Variants in CAMK2D observed in about 807,000 individuals in gnomAD.
CAMK2D encodes calcium/calmodulin-dependent protein kinase type II subunit delta.
Under a neutral mutation model 84.0 loss-of-function variants are expected in CAMK2D, and 37 were observed. The ratio of observed to expected loss-of-function variants is 0.44; its 90% CI spans 0.34 to 0.58. CAMK2D has a LOEUF of 0.58. Among genes scored for constraint, CAMK2D ranks in the 20% least tolerant of loss-of-function variants. CAMK2D has a pLI of 0.02. For missense variants in CAMK2D, 448 were observed against 652.5 expected, an observed-to-expected ratio of 0.69 and a Z score of 3.41; for synonymous variants, 202 against 212.5, an observed-to-expected ratio of 0.95 and a Z score of 0.43.
chr4:113,753,184 C>T (rs910193053), intron 2 of CAMK2D, among the ~76,000 whole-genome samples: 1 of 151,938 alleles, frequency 6.6e-6, no homozygotes, highest in Non-Finnish European at 1.5e-5. Context: ...TTCTAGGAGG[C>T]TGCAGTGTGG....
chr4:113,693,397 A>T (rs2099394022), intron 2 of CAMK2D, among the ~76,000 whole-genome samples: 1 of 152,178 alleles, frequency 6.6e-6, no homozygotes, highest in South Asian at 2.1e-4. Context: ...AGCATTTAAA[A>T]TATTGCGTTT....
chr4:113,760,470 A>G (rs1189097398), intron 1 of CAMK2D, among the ~76,000 whole-genome samples: 1 of 152,200 alleles, frequency 6.6e-6, no homozygotes, highest in East Asian at 1.9e-4. Flanking sequence ...GGACAGAACA[A>G]CTACTGGATG....
chr4:113,650,850 A>T (rs2099169786), intron 3 of CAMK2D, among the ~76,000 whole-genome samples: 1 of 152,252 alleles, frequency 6.6e-6, no homozygotes, highest in Non-Finnish European at 1.5e-5. Flanking sequence ...TTAGTAAGTA[A>T]TATCATTTTC....
At chr4:113,488,426 C>G (rs1017062528) in intron 16 of CAMK2D, among the ~76,000 whole-genome samples, 30 of 152,058 alleles carry the variant, frequency 2.0e-4, no homozygotes, top group Admixed American at 3.3e-4. Context: ...CAGACCTTAG[C>G]GATGACCTTG....
At chr4:113,550,917 A>T (rs1224510366) in intron 5 of CAMK2D, among the ~76,000 whole-genome samples, 1 of 152,238 alleles carries the variant, frequency 6.6e-6, no homozygotes, top group African/African-American at 2.4e-5. Context: ...ACAGTGCATT[A>T]AACCAAGAAG....
intron 2 of CAMK2D, among the ~76,000 whole-genome samples, chr4:113,725,951 G>T (rs2099544513): frequency 6.6e-6 from 1 of 152,172 alleles, no homozygotes; most frequent in African/African-American, 2.4e-5. Flanking sequence ...TGGTGCTTCT[G>T]CAAGATGTTT....
intron 2 of CAMK2D, among the ~76,000 whole-genome samples, chr4:113,752,130 G>A (rs182892010): frequency 6.6e-6 from 1 of 151,954 alleles, no homozygotes; most frequent in Non-Finnish European, 1.5e-5. Flanking sequence ...AAAGGATAGG[G>A]ATCAACAAAA....
chr4:113,560,761 C>G (rs1006752511), intron 4 of CAMK2D, among the ~76,000 whole-genome samples: 5 of 152,174 alleles, frequency 3.3e-5, no homozygotes, highest in Non-Finnish European at 7.3e-5. Flanking sequence ...TGCATCTTGT[C>G]ACTTATTGCA....
chr4:113,618,574 T>A (rs1368708565), intron 3 of CAMK2D, among the ~76,000 whole-genome samples: 2 of 152,206 alleles, frequency 1.3e-5, no homozygotes. Context: ...TCCTAATACA[T>A]GTTAAGAAAT....
intron 2 of CAMK2D, among the ~76,000 whole-genome samples, chr4:113,696,840 G>A (rs2099404315): frequency 1.3e-5 from 2 of 152,086 alleles, no homozygotes; most frequent in African/African-American, 4.8e-5. Context: ...GGAAGTAGAA[G>A]AGTCAGAATT....
intron 2 of CAMK2D, among the ~76,000 whole-genome samples, chr4:113,709,899 T>C (rs2099486595): frequency 6.7e-6 from 1 of 150,032 alleles, no homozygotes; most frequent in South Asian, 2.1e-4. Flanking sequence ...ATTTTTAATT[T>C]AATGCCAGGC....
intron 9 of CAMK2D, among the ~76,000 whole-genome samples, chr4:113,515,869 T>TAATA (rs1160468581): frequency 5.3e-5 from 8 of 152,226 alleles, no homozygotes; most frequent in Non-Finnish European, 7.3e-5. Flanking sequence ...TTCCCATTAC[T>TAATA]AATACTTTTT....
intron 4 of CAMK2D, among the ~76,000 whole-genome samples, chr4:113,571,095 A>G (rs913051760): frequency 1.3e-4 from 19 of 151,982 alleles, no homozygotes; most frequent in Non-Finnish European, 2.2e-4. Context: ...CTACAATAAA[A>G]TATCACTTCA....
chr4:113,682,308 TTA>T (rs1263566499), intron 2 of CAMK2D, among the ~76,000 whole-genome samples: 5 of 152,088 alleles, frequency 3.3e-5, no homozygotes, highest in Non-Finnish European at 7.4e-5. Context: ...AAATGTATTT[TTA>T]TATGAGAAAA....
intron 7 of CAMK2D, among the ~76,000 whole-genome samples, chr4:113,533,687 T>C (rs1330363309): frequency 2.0e-5 from 3 of 151,646 alleles, no homozygotes; most frequent in South Asian, 4.2e-4. Flanking sequence ...AGCAACAAAA[T>C]GCTAGAAATG....
At chr4:113,687,847 T>G (rs747317941) in intron 2 of CAMK2D, among the ~76,000 whole-genome samples, 1 of 152,200 alleles carries the variant, frequency 6.6e-6, no homozygotes, top group Non-Finnish European at 1.5e-5. Context: ...ACATCCCTTC[T>G]TGGTTCAATC....
At chr4:113,555,772 T>A (rs909387069) in intron 4 of CAMK2D, among the ~76,000 whole-genome samples, 1 of 152,080 alleles carries the variant, frequency 6.6e-6, no homozygotes, top group Non-Finnish European at 1.5e-5. Flanking sequence ...ACTACCTGGA[T>A]ATCTGTGCCC....
intron 2 of CAMK2D, among the ~76,000 whole-genome samples, chr4:113,725,524 T>G (rs1028384038): frequency 3.3e-5 from 5 of 152,126 alleles, no homozygotes; most frequent in African/African-American, 1.2e-4. Context: ...AAGCCACTAA[T>G]GTAAGGTAAA....
At chr4:113,646,661 A>G (rs1478645939) in intron 3 of CAMK2D, among the ~76,000 whole-genome samples, 1 of 152,192 alleles carries the variant, frequency 6.6e-6, no homozygotes, top group East Asian at 1.9e-4. Flanking sequence ...GAGGGGTTGG[A>G]GCAGAGCAAC....
Sources: allele counts gnomAD v4.1 joint callset (sites outside exome capture counted in the v4.1 genomes callset), GRCh38; gene constraint gnomAD v4.1.1; transcripts MANE v1.5; gene names NCBI Gene and HGNC (gene_info 2026-07-23, HGNC 2026-07-21).